DNAH7: variants seen among roughly 807,000 people sequenced by gnomAD.
The protein encoded by DNAH7 is axonemal beta dynein heavy chain 7.
A neutral mutation model predicts 444.6 loss-of-function variants in DNAH7; 397 were observed. That is an observed-to-expected ratio of 0.89 (90% CI 0.82 to 0.97). The LOEUF (loss-of-function observed/expected upper bound fraction) is 0.97. Among genes scored for constraint, DNAH7 ranks in the 50% least tolerant of loss-of-function variants. The pLI is 0.00. For synonymous variants in DNAH7, 1,636 were observed against 1,624.4 expected, an observed-to-expected ratio of 1.01 and a Z score of -0.17; for missense variants, 4,902 against 4,800.8, an observed-to-expected ratio of 1.02 and a Z score of -0.62.
chr2:195,789,151 A>C (rs1042257277), intron 57 of DNAH7, among the ~76,000 whole-genome samples: 3 of 152,200 alleles, frequency 2.0e-5, no homozygotes, highest in Non-Finnish European at 4.4e-5. Flanking sequence ...TACTGCTACT[A>C]ATCACCAGAT....
intron 61 of DNAH7, among the ~76,000 whole-genome samples, chr2:195,766,269 G>A (rs367966732): frequency 1.2e-4 from 18 of 146,524 alleles, no homozygotes; most frequent in African/African-American, 3.8e-4. Context: ...CGCCTCCCTG[G>A]TTCAAGCGAT....
chr2:196,053,329 G>A lies in DNAH7; in HGVS notation c.79-2080C>T, dbSNP rs556124573. The stretch of plus-strand genomic sequence containing the variant: ...AGAGAGCCACTGCAGTCTCCTTTTA[G>A]GGTGAACTTTAGTCTCAGTTTGCGG... On this transcript the variant is annotated intron_variant, in intron 2 of 64. Transcript: ENST00000312428. Among the ~76,000 whole-genome samples, 11 of 152,340 alleles carry A rather than the reference G, an allele frequency of 7.2e-5. No individual in the cohort carries two copies. The South Asian group carries it at 1.7e-3, about 23-fold the overall frequency.
intron 4 of DNAH7, among the ~76,000 whole-genome samples, 161 bp from the exon 5 acceptor site, chr2:196,047,660 C>A (rs1697223937): frequency 6.6e-6 from 1 of 150,634 alleles, no homozygotes; most frequent in South Asian, 2.1e-4. Context: ...GGAGGTTAAA[C>A]TACTCCTCTT....
At chr2:195,788,623 T>C (rs1019721723) in intron 57 of DNAH7, among the ~76,000 whole-genome samples, 1 of 152,198 alleles carries the variant, frequency 6.6e-6, no homozygotes, top group Non-Finnish European at 1.5e-5. Flanking sequence ...TAGTTAAACA[T>C]GCTGGGCTAA....
At chr2:195,791,620 C>T (rs1341099907) in intron 57 of DNAH7, among the ~76,000 whole-genome samples, 1 of 152,112 alleles carries the variant, frequency 6.6e-6, no homozygotes, top group African/African-American at 2.4e-5. Flanking sequence ...ATTCTCAGCA[C>T]TAATTGCAAC....
At chr2:196,065,849 C>T (rs764180673) in intron 1 of DNAH7, among the ~76,000 whole-genome samples, 1 of 152,214 alleles carries the variant, frequency 6.6e-6, no homozygotes, top group Non-Finnish European at 1.5e-5. Flanking sequence ...CTTCATCCCT[C>T]GTGGTTCTCT....
At chr2:195,913,241 A>G (rs1170953525) in intron 24 of DNAH7, among the ~76,000 whole-genome samples, 1 of 152,182 alleles carries the variant, frequency 6.6e-6, no homozygotes, top group Non-Finnish European at 1.5e-5. Flanking sequence ...AAGAGATAGG[A>G]ACCTGGAGTT....
rs1477308226 is a variant in DNAH7 at position 195,808,679 on chromosome 2, T to C, written c.10083+3A>G. ...TGGAATAAGTGAGAGGGTTAAAACA[T>C]ACCAAACTATCATATACTTTCTTCC... On this transcript the variant is annotated splice_donor_region_variant and intron_variant, in intron 53 of 64. Coordinates refer to ENST00000312428, the MANE Select transcript of DNAH7 (RefSeq NM_018897.3). 28 of 1,613,534 alleles carry C rather than the reference T, an allele frequency of 1.7e-5. No homozygotes were observed. The highest frequency in any genetic ancestry group is 2.3e-5 in the Non-Finnish European group (27 of 1,179,858).
rs755022963 is a variant in DNAH7 at position 195,881,824 on chromosome 2, T to C, written c.5932A>G (p.Thr1978Ala). Residue 1978 changes from threonine to alanine, a missense_variant, in exon 36 of 65, where the codon ACA becomes GCA. Coordinates refer to ENST00000312428, the MANE Select transcript of DNAH7 (RefSeq NM_018897.3). ...HQKPSIFVGP[T>A]GTGKSVYITN... ...ATGTAAACACTTTTCCCAGTTCCTG[T>C]TGGTCCTACAAATATTGAAGGCTTT... The C allele has an allele frequency of 4.3e-6, 7 of 1,613,932 alleles. No homozygotes were observed. The highest frequency in any genetic ancestry group is 4.0e-5 in the African/African-American group (3 of 74,940).
chr2:196,017,005 T>G (rs1399804923), intron 9 of DNAH7, among the ~76,000 whole-genome samples: 1 of 152,154 alleles, frequency 6.6e-6, no homozygotes, highest in Non-Finnish European at 1.5e-5. Context: ...TATTATTTTA[T>G]TTAATTTTAA....
chr2:195,897,275 A>G (rs1702375457), intron 29 of DNAH7, among the ~76,000 whole-genome samples: 1 of 152,210 alleles, frequency 6.6e-6, no homozygotes, highest in Admixed American at 6.5e-5. Flanking sequence ...AAGGAAATTA[A>G]GCATATTTAT....
At chr2:196,051,709 G>A (rs1697482732) in intron 2 of DNAH7, among the ~76,000 whole-genome samples, 1 of 152,126 alleles carries the variant, frequency 6.6e-6, no homozygotes, top group Admixed American at 6.5e-5. Flanking sequence ...GGAGGTTGCA[G>A]TGAGCAGAGA....
At position 195,858,777 on chromosome 2, in the gene DNAH7, A is replaced by G. The variant is rs761519671; in HGVS notation, c.7764T>C (p.Tyr2588=). 8 of 1,609,328 alleles carry G rather than the reference A, an allele frequency of 5.0e-6. No individual in the cohort carries two copies. The highest frequency in any genetic ancestry group is 1.7e-5 in the Admixed American group (1 of 59,012). ...RSEVMKMKKR[Y]EVGLEKLDSA... ...AATCCAGTTTCTCCAAACCCACTTC[A>G]TATCTCTTTTTCATTTTCATTACTT... is the stretch of plus-strand genomic sequence containing the variant. Residue 2588 remains tyrosine (Y), a synonymous_variant, in exon 43 of 65, where the codon TAT becomes TAC. Coordinates refer to ENST00000312428, the MANE Select transcript of DNAH7 (RefSeq NM_018897.3).
At position 195,970,065 on chromosome 2, in the gene DNAH7, C is replaced by T. The variant is rs1286381502; in HGVS notation, c.2088G>A (p.Leu696=). ...KLRCERFVEE[L]ESYAKQSEEF... ...CTTCTGATTGCTTAGCATAACTCTC[C>T]AATTCCTCCACAAACCGTTCACACC... Residue 696 remains leucine, a synonymous_variant, in exon 17 of 65, where the codon TTG becomes TTA. Transcript: ENST00000312428. 2 of 1,611,700 alleles carry T rather than the reference C, an allele frequency of 1.2e-6. No individual in the cohort carries two copies. The highest frequency in any genetic ancestry group is 2.7e-5 in the African/African-American group (2 of 74,824).
At chr2:195,950,976 A>G (rs1285992050) in intron 19 of DNAH7, among the ~76,000 whole-genome samples, 1 of 146,916 alleles carries the variant, frequency 6.8e-6, no homozygotes, top group Non-Finnish European at 1.5e-5. Flanking sequence ...GTCTTCTGCT[A>G]GCTTTTGAAC....
rs935214863 is a variant in DNAH7 at position 195,961,024 on chromosome 2, T to C, written c.2206-79A>G. ...AAATTAAGTTTTTTTAAATATCTAT[T>C]TCAAATGTGAGCCAAAAAAACCTTA... On this transcript the variant is annotated intron_variant, in intron 17 of 64. Coordinates refer to ENST00000312428, the MANE Select transcript of DNAH7 (RefSeq NM_018897.3). 7.3e-6 allele frequency: 9 copies of C among 1,237,610 alleles called. No individual in the cohort carries two copies. In the East Asian group the frequency reaches 2.4e-4, roughly 34 times the overall value. The allele number at this position is 1,237,610 out of a possible 1,614,324, so 76.7% of individuals were successfully genotyped here.
chr2:196,046,209 A>G (rs1347253310), intron 5 of DNAH7, among the ~76,000 whole-genome samples: 4 of 152,222 alleles, frequency 2.6e-5, no homozygotes, highest in Non-Finnish European at 5.9e-5. Flanking sequence ...GGCCATCCTA[A>G]GGCTACGGCT....
At position 195,864,144 on chromosome 2, in the gene DNAH7, A is replaced by G; in HGVS notation, c.7506+5T>C. The G allele has an allele frequency of 6.2e-7, 1 of 1,610,222 alleles. No homozygotes were observed. Among genetic ancestry groups the G allele is most frequent in the Non-Finnish European group, 8.5e-7 (1 of 1,176,732 alleles). On this transcript the variant is annotated splice_donor_5th_base_variant and intron_variant, in intron 41 of 64. Coordinates refer to ENST00000312428, the MANE Select transcript of DNAH7 (RefSeq NM_018897.3). ...GAAGTCTATCTAAAATGTACATGAC[A>G]ATACCTGAAACCAGTCAATGGTACA...
intron 61 of DNAH7, among the ~76,000 whole-genome samples, chr2:195,763,267 G>A (rs902429321): frequency 5.9e-5 from 9 of 152,026 alleles, no homozygotes; most frequent in African/African-American, 1.9e-4. Flanking sequence ...TGTAGTTTAA[G>A]TGCCTACATC....
Sources: allele counts gnomAD v4.1 joint callset (sites outside exome capture counted in the v4.1 genomes callset), GRCh38; gene constraint gnomAD v4.1.1; transcripts MANE v1.5; gene names NCBI Gene and HGNC (gene_info 2026-07-23, HGNC 2026-07-21).